The following SLC9A9 variants were observed in gnomAD, a reference collection of about 807,000 sequenced individuals.
The protein encoded by SLC9A9 is solute carrier family 9 member A9, also known as sodium/hydrogen exchanger 9.
A neutral mutation model predicts 77.8 loss-of-function variants in SLC9A9; 62 were observed. That is an observed-to-expected ratio of 0.80 (90% CI 0.65 to 0.98). The LOEUF (loss-of-function observed/expected upper bound fraction) is 0.98, where lower values mean the gene tolerates loss of function less well. Ranked by LOEUF, SLC9A9 falls within the 50% of genes least tolerant of loss-of-function variation. SLC9A9 has a pLI of 0.00. For synonymous variants in SLC9A9, 320 were observed against 283.5 expected, an observed-to-expected ratio of 1.13 and a Z score of -1.29; for missense variants, 775 against 774.9, an observed-to-expected ratio of 1.00 and a Z score of 0.00.
intron 4 of SLC9A9, among the ~76,000 whole-genome samples, chr3:143,732,297 C>A (rs901121426): frequency 6.6e-6 from 1 of 152,186 alleles, no homozygotes; most frequent in African/African-American, 2.4e-5. Flanking sequence ...TTTAGATTCC[C>A]AAGTCCTATT....
intron 9 of SLC9A9, among the ~76,000 whole-genome samples, chr3:143,513,948 C>G (rs758267211): frequency 2.0e-5 from 3 of 152,066 alleles, no homozygotes; most frequent in Non-Finnish European, 1.5e-5. Flanking sequence ...ACTGATATAC[C>G]TAATGTCATT....
chr3:143,560,529 G>T (rs924007715), intron 8 of SLC9A9, among the ~76,000 whole-genome samples: 5 of 151,906 alleles, frequency 3.3e-5, no homozygotes, highest in African/African-American at 1.2e-4. Flanking sequence ...TAGCTTTCCA[G>T]AATTGACATG....
intron 11 of SLC9A9, among the ~76,000 whole-genome samples, chr3:143,469,583 T>C (rs929570777): frequency 1.3e-5 from 2 of 152,208 alleles, no homozygotes; most frequent in South Asian, 4.1e-4. Context: ...ATAACCATCC[T>C]GGTTTTTGTT....
chr3:143,775,554 C>T (rs2007661674), intron 4 of SLC9A9, among the ~76,000 whole-genome samples: 1 of 152,178 alleles, frequency 6.6e-6, no homozygotes. Context: ...TATAAATTTT[C>T]CCACCAGAGG....
chr3:143,505,649 G>A (rs1251770821), intron 9 of SLC9A9, among the ~76,000 whole-genome samples: 4 of 152,126 alleles, frequency 2.6e-5, no homozygotes, highest in Admixed American at 2.6e-4. Flanking sequence ...ATATTTCATT[G>A]TCTTCTTTTA....
At chr3:143,377,990 C>T (rs191580176) in intron 13 of SLC9A9, among the ~76,000 whole-genome samples, 83 of 152,354 alleles carry the variant, frequency 5.4e-4, no homozygotes, top group Non-Finnish European at 4.0e-4. Flanking sequence ...TACCTCTCCT[C>T]AACCCCTTCT....
At chr3:143,465,775 A>G (rs1054318378) in intron 12 of SLC9A9, among the ~76,000 whole-genome samples, 2 of 152,266 alleles carry the variant, frequency 1.3e-5, no homozygotes, top group Non-Finnish European at 2.9e-5. Context: ...GGGAGCCTAC[A>G]GGTAACCACC....
At chr3:143,390,195 A>T (rs1036103380) in intron 12 of SLC9A9, among the ~76,000 whole-genome samples, 1 of 152,192 alleles carries the variant, frequency 6.6e-6, no homozygotes, top group Admixed American at 6.5e-5. Flanking sequence ...GGTGGGATGG[A>T]TTTCATGAAA....
intron 14 of SLC9A9, among the ~76,000 whole-genome samples, chr3:143,336,896 C>T (rs548831598): frequency 2.0e-5 from 3 of 152,006 alleles, no homozygotes; most frequent in Non-Finnish European, 2.9e-5. Context: ...CTTTTTACTA[C>T]ATTAATATTT....
chr3:143,494,707 C>T (rs2035803893), intron 10 of SLC9A9, among the ~76,000 whole-genome samples: 1 of 152,196 alleles, frequency 6.6e-6, no homozygotes, highest in Admixed American at 6.5e-5. Context: ...CCACTGGAAA[C>T]ACCTCCTGTC....
At chr3:143,544,882 A>G (rs916923171) in intron 9 of SLC9A9, among the ~76,000 whole-genome samples, 1 of 152,136 alleles carries the variant, frequency 6.6e-6, no homozygotes, top group Non-Finnish European at 1.5e-5. Flanking sequence ...ATTCTTCCGC[A>G]TGTGGCAAGT....
At chr3:143,844,711 C>CTCTTTCTTTCTTTCTT (rs3031232) in intron 1 of SLC9A9, among the ~76,000 whole-genome samples, 9 of 95,818 alleles carry the variant, frequency 9.4e-5, no homozygotes, top group Admixed American at 2.1e-4. Flanking sequence ...AACTTTCTTT[C>CTCTTTCTTTCTTTCTT]TCTTTCTTTC....
chr3:143,477,330 A>ATTTTTTTTTTTTTTT (rs59195338), intron 11 of SLC9A9, among the ~76,000 whole-genome samples: 1 of 100,014 alleles, frequency 1.0e-5, no homozygotes, highest in Non-Finnish European at 2.0e-5. Context: ...GGCTTCTTCA[A>ATTTTTTTTTTTTTTT]TTTTTTTTTT....
intron 9 of SLC9A9, among the ~76,000 whole-genome samples, chr3:143,515,702 A>G (rs2036193697): frequency 6.6e-6 from 1 of 152,094 alleles, no homozygotes. Context: ...TGTACTCACA[A>G]TTTTCTAATA....
intron 14 of SLC9A9, among the ~76,000 whole-genome samples, chr3:143,284,573 T>G (rs771047079): frequency 6.6e-6 from 1 of 151,982 alleles, no homozygotes; most frequent in Non-Finnish European, 1.5e-5. Flanking sequence ...GGAAGTATTC[T>G]AAAATATAAT....
chr3:143,761,765 T>C (rs1017813977), intron 4 of SLC9A9, among the ~76,000 whole-genome samples: 1 of 152,196 alleles, frequency 6.6e-6, no homozygotes, highest in Non-Finnish European at 1.5e-5. Context: ...AGTTCAACCA[T>C]TGTGGAAAAC....
chr3:143,691,748 C>T (rs1933475839), intron 5 of SLC9A9, among the ~76,000 whole-genome samples: 1 of 152,088 alleles, frequency 6.6e-6, no homozygotes, highest in Non-Finnish European at 1.5e-5. Flanking sequence ...CAGACCAAAG[C>T]CCTGATGCCT....
chr3:143,611,212 A>C (rs2038017313), intron 6 of SLC9A9, among the ~76,000 whole-genome samples: 1 of 152,200 alleles, frequency 6.6e-6, no homozygotes, highest in Non-Finnish European at 1.5e-5. Flanking sequence ...CAAAATATTT[A>C]TATTGATAGA....
chr3:143,315,995 A>G (rs2031197577), intron 14 of SLC9A9, among the ~76,000 whole-genome samples: 1 of 152,204 alleles, frequency 6.6e-6, no homozygotes, highest in African/African-American at 2.4e-5. Flanking sequence ...CTCTTGCCCA[A>G]AGTTACATCT....
Sources: gnomAD v4.1 joint callset for allele counts (sites outside exome capture counted in the v4.1 genomes callset) on GRCh38, gnomAD v4.1.1 for gene constraint, MANE v1.5 for transcripts, NCBI Gene and HGNC (gene_info 2026-07-23, HGNC 2026-07-21) for gene names.